MYSM1: variants seen among roughly 807,000 people sequenced by gnomAD.
The protein encoded by MYSM1 is deubiquitinase MYSM1.
A neutral mutation model predicts 116.0 loss-of-function variants in MYSM1; 51 were observed. The ratio of observed to expected loss-of-function variants is 0.44; its 90% CI spans 0.35 to 0.56. The LOEUF (loss-of-function observed/expected upper bound fraction) is 0.56. Ranked by LOEUF, MYSM1 falls within the 20% of genes least tolerant of loss-of-function variation. MYSM1 has a pLI of 0.00. For missense variants in MYSM1, 900 were observed against 974.9 expected (o/e 0.92, Z 1.02); for synonymous variants, 313 against 315.2 (o/e 0.99, Z 0.07).
rs577213893 is a variant in MYSM1, at chr1:58,666,204, T to C, written c.2032-573A>G. Among the ~76,000 whole-genome samples, 5 of 152,324 alleles carry C rather than the reference T, an allele frequency of 3.3e-5. No homozygotes were observed. In the South Asian group the frequency reaches 1.0e-3, roughly 32 times the overall value. On this transcript the variant is annotated intron_variant, in intron 16 of 19. Transcript: ENST00000472487. ...ATAAAATGGCCTACACAATCTGTATTTGCCATGAATATATTTACTAATTGT... is the reference window on the plus strand; with the variant it reads ...ATAAAATGGCCTACACAATCTGTATCTGCCATGAATATATTTACTAATTGT...
chr1:58,680,824 ATTT>A (rs11460082), intron 8 of MYSM1, among the ~76,000 whole-genome samples: 4 of 145,766 alleles, frequency 2.7e-5, no homozygotes, highest in African/African-American at 7.6e-5. Flanking sequence ...TTTAAAAATA[ATTT>A]TTTTTTTTTT....
chr1:58,660,243 C>T, intron 19 of MYSM1, 88 bp from the exon 20 acceptor site: 1 of 749,118 alleles, frequency 1.3e-6, no homozygotes, highest in Non-Finnish European at 2.0e-6. Flanking sequence ...TTCCAGACCT[C>T]ACATTTCCTA....
chr1:58,670,122 TTAA>T (rs1644538818), intron 12 of MYSM1, among the ~76,000 whole-genome samples: 1 of 152,216 alleles, frequency 6.6e-6, no homozygotes, highest in Admixed American at 6.5e-5. Context: ...TTTGTTTTGC[TTAA>T]TAATGTATCC....
rs758991975 is a variant in MYSM1, at chr1:58,660,098, C to G, written c.2386G>C (p.Glu796Gln). The change falls in exon 20 of 20, where the codon GAA becomes CAA. Residue 796 changes from glutamate (E) to glutamine (Q), a missense_variant. By Grantham distance (29) the Glu-to-Gln change is conservative (BLOSUM62 2). Coordinates refer to ENST00000472487, the MANE Select transcript of MYSM1 (RefSeq NM_001085487.3). The stretch of plus-strand genomic sequence containing the variant: ...AAATTTTCTATTTCAGTCAAGAATT[C>G]TTCAGCCATAAAGCAATTGGTCACT... Reference protein sequence around the residue: ...SKVTNCFMAEEFLTEIENLFL... With the variant: ...SKVTNCFMAEQFLTEIENLFL... 3.7e-6 allele frequency: 6 copies of G among 1,611,198 alleles called. No individual in the cohort carries two copies. The South Asian group carries it at 6.6e-5, about 18-fold the overall frequency.
chr1:58,688,702 A>G (rs1019274647), intron 6 of MYSM1, among the ~76,000 whole-genome samples: 68 of 152,150 alleles, frequency 4.5e-4, no homozygotes, highest in Non-Finnish European at 8.2e-4. Flanking sequence ...TTTCAAAAAA[A>G]AAAAGAGATT....
chr1:58,672,603 T>A (rs1266984046), intron 11 of MYSM1, among the ~76,000 whole-genome samples: 1 of 152,084 alleles, frequency 6.6e-6, no homozygotes, highest in Admixed American at 6.6e-5. Flanking sequence ...TACGACCAAC[T>A]TACACCCTAG....
At position 58,659,755 on chromosome 1, in the gene MYSM1, T is replaced by G. The variant is rs542043612; in HGVS notation, c.*242A>C. The G allele has an allele frequency of 3.4e-6, 1 of 296,704 alleles. No individual in the cohort carries two copies. Among genetic ancestry groups the G allele is most frequent in the East Asian group, 6.1e-5 (1 of 16,354 alleles). 18.4% of individuals were successfully genotyped at this position (296,704 alleles called of 1,614,324 possible). On this transcript the variant is annotated 3_prime_UTR_variant, in exon 20 of 20. Transcript: ENST00000472487. ...TGCTTAGTTTCACAGCCTACAGCAT[T>G]GCTCAGTAAAGGACTAGAACACCGT...
chr1:58,684,743 AC>A (rs1644801452), intron 7 of MYSM1, among the ~76,000 whole-genome samples: 1 of 152,178 alleles, frequency 6.6e-6, no homozygotes, highest in East Asian at 1.9e-4. Flanking sequence ...TAGCTATTTA[AC>A]AGATTTCAGA....
chr1:58,690,987 T>A (rs2100674795), intron 3 of MYSM1, among the ~76,000 whole-genome samples: 2 of 152,254 alleles, frequency 1.3e-5, no homozygotes, highest in East Asian at 3.9e-4. Context: ...TTATTAGAAC[T>A]AGCCTGATGA....
At chr1:58,676,894 A>C in intron 9 of MYSM1, 32 bp downstream of exon 9, 1 of 1,603,430 alleles carries the variant, frequency 6.2e-7, no homozygotes, top group Non-Finnish European at 8.5e-7. Flanking sequence ...AAAAATGTCG[A>C]GTAAAAGATG....
chr1:58,683,252 T>A (rs1644775582), intron 7 of MYSM1, among the ~76,000 whole-genome samples: 1 of 152,212 alleles, frequency 6.6e-6, no homozygotes, highest in Non-Finnish European at 1.5e-5. Flanking sequence ...TACTAAGGTA[T>A]CGTACAATAT....
At chr1:58,699,920 C>T (rs758180078) in intron 1 of MYSM1, 65 bp downstream of exon 1, 44 of 1,607,618 alleles carry the variant, frequency 2.7e-5, no homozygotes, top group Non-Finnish European at 3.6e-5. Context: ...TGCAGCTTTC[C>T]CAGGGCCCGC....
chr1:58,690,459 C>A, intron 3 of MYSM1, 42 bp from the exon 4 acceptor site: 1 of 1,341,482 alleles, frequency 7.5e-7, no homozygotes, highest in South Asian at 1.3e-5. Flanking sequence ...ATATTACAGT[C>A]ATGTAATTTT....
chr1:58,672,096 C>A, intron 11 of MYSM1, 138 bp from the exon 12 acceptor site: 2 of 649,762 alleles, frequency 3.1e-6, no homozygotes, highest in Non-Finnish European at 5.2e-6. Context: ...CTTTTTGCTA[C>A]CAACATGTAG....
intron 8 of MYSM1, 21 bp from the exon 9 acceptor site, chr1:58,677,077 C>A: frequency 6.4e-7 from 1 of 1,566,218 alleles, no homozygotes; most frequent in Non-Finnish European, 8.6e-7. Flanking sequence ...GACAGAAGTA[C>A]AATTATTTTG....
intron 2 of MYSM1, among the ~76,000 whole-genome samples, chr1:58,693,391 C>T (rs1644929082): frequency 6.6e-6 from 1 of 152,158 alleles, no homozygotes; most frequent in Non-Finnish European, 1.5e-5. Context: ...AAGCTCTAGG[C>T]CATAATACCC....
At chr1:58,697,470 G>T (rs1435262511) in intron 1 of MYSM1, among the ~76,000 whole-genome samples, 1 of 152,102 alleles carries the variant, frequency 6.6e-6, no homozygotes, top group East Asian at 1.9e-4. Flanking sequence ...AGTCTTAAGA[G>T]GGACAGTGTG....
chr1:58,676,185 G>A (rs1390201056), intron 9 of MYSM1, among the ~76,000 whole-genome samples: 2 of 152,140 alleles, frequency 1.3e-5, no homozygotes, highest in Non-Finnish European at 2.9e-5. Context: ...TTAGGAGGCT[G>A]AGGCGGGCAA....
intron 2 of MYSM1, 55 bp from the exon 3 acceptor site, chr1:58,692,986 T>C: frequency 7.1e-7 from 1 of 1,410,088 alleles, no homozygotes; most frequent in Non-Finnish European, 9.8e-7. Flanking sequence ...TGAAATTATC[T>C]TCTGTTTTGG....
Sources: gnomAD v4.1 joint callset for allele counts (sites outside exome capture counted in the v4.1 genomes callset) on GRCh38, gnomAD v4.1.1 for gene constraint, MANE v1.5 for transcripts, NCBI Gene and HGNC (gene_info 2026-07-23, HGNC 2026-07-21) for gene names.